The following SPNS3 variants were observed in gnomAD, a reference collection of about 807,000 sequenced individuals.
SPNS3 encodes protein spinster homolog 3.
A neutral mutation model predicts 54.4 loss-of-function variants in SPNS3; 51 were observed. The ratio of observed to expected loss-of-function variants is 0.94; its 90% CI spans 0.75 to 1.18. The LOEUF (loss-of-function observed/expected upper bound fraction) is 1.18. Among genes scored for constraint, SPNS3 ranks in the 50% most tolerant of loss-of-function variants. The pLI, the probability that SPNS3 is intolerant of heterozygous loss-of-function variation, is 0.00. For missense variants in SPNS3, 669 were observed against 677.4 expected, an observed-to-expected ratio of 0.99 and a Z score of 0.14; for synonymous variants, 309 against 294.7, an observed-to-expected ratio of 1.05 and a Z score of -0.50.
chr17:4,448,420 G>C, intron 6 of SPNS3, 117 bp downstream of exon 6: 1 of 1,027,906 alleles, frequency 9.7e-7, no homozygotes. Flanking sequence ...AGTGTTCACA[G>C]CCCTCCTCTT....
Position 4,470,938 on chromosome 17 carries a change from T to G in SPNS3, c.1114-7634T>G, listed in dbSNP as rs1407172501. Among the ~76,000 whole-genome samples, 10 of 152,284 alleles carry G rather than the reference T, an allele frequency of 6.6e-5. No individual in the cohort carries two copies. In the East Asian group the frequency reaches 1.5e-3, roughly 23 times the overall value. On this transcript the variant is annotated intron_variant, in intron 8 of 11. Coordinates refer to ENST00000355530, the MANE Select transcript of SPNS3 (RefSeq NM_182538.5). ...TCACAGTCTGTTCTTTTTCTTTTTT[T>G]TGTGAGACACAGTTTCGCTCTTGTT... is the stretch of plus-strand genomic sequence containing the variant.
At chr17:4,460,840 G>C (rs1009218706) in intron 8 of SPNS3, among the ~76,000 whole-genome samples, 1 of 152,036 alleles carries the variant, frequency 6.6e-6, no homozygotes, top group Admixed American at 6.6e-5. Context: ...GTCTTCATCT[G>C]GTTTTGGTAT....
chr17:4,463,749 A>G (rs1310635961), intron 8 of SPNS3, among the ~76,000 whole-genome samples: 2 of 152,088 alleles, frequency 1.3e-5, no homozygotes, highest in Admixed American at 1.3e-4. Flanking sequence ...AAAAAAAAAA[A>G]AAAAGAATAT....
At chr17:4,487,743 C>CAGGCCT in intron 11 of SPNS3, 63 bp from the exon 12 acceptor site, 2 of 1,496,936 alleles carry the variant, frequency 1.3e-6, no homozygotes, top group Non-Finnish European at 9.3e-7. Flanking sequence ...TGCCCAGGCC[C>CAGGCCT]AGGCCTGGTC....
chr17:4,467,180 G>A (rs913504401), intron 8 of SPNS3, among the ~76,000 whole-genome samples: 2 of 151,958 alleles, frequency 1.3e-5, no homozygotes, highest in Non-Finnish European at 2.9e-5. Context: ...GTGAGGGTGC[G>A]GATTATGGAG....
intron 8 of SPNS3, among the ~76,000 whole-genome samples, chr17:4,458,593 CTTTCTTT>C (rs1567563855): frequency 0.035 from 2,780 of 79,916 alleles, 179 homozygotes; most frequent in African/African-American, 0.049. Flanking sequence ...TCCCTCCTTT[CTTTCTTT>C]CTTTCTTTCT....
In SPNS3 at chr17:4,483,094, T is replaced by TGCCCCCC. The variant is rs1454649976; in HGVS notation, c.1180-3133_1180-3127dup. Among the ~76,000 whole-genome samples the TGCCCCCC allele has an allele frequency of 6.6e-6, 1 of 152,214 alleles. No individual in the cohort carries two copies. The highest frequency in any genetic ancestry group is 6.5e-5 in the Admixed American group (1 of 15,280). On this transcript the variant is annotated intron_variant, in intron 9 of 11. Coordinates refer to ENST00000355530, the MANE Select transcript of SPNS3 (RefSeq NM_182538.5). The surrounding 1 kb of genome is among the most constrained non-coding windows in gnomAD (Gnocchi z 4.2). ...TCTCCATGCTTCCCTGCTCAGCCTC[T>TGCCCCCC]GCCCCCCAGGTAGCTGTCTGCTCAC...
intron 4 of SPNS3, 91 bp from the exon 5 acceptor site, chr17:4,446,805 G>T: frequency 3.2e-6 from 4 of 1,231,396 alleles, no homozygotes; most frequent in Non-Finnish European, 4.8e-6. Flanking sequence ...TCCCTGGGGC[G>T]TGGGGGGGGC....
chr17:4,438,982 G>T (rs1469947004), intron 1 of SPNS3, among the ~76,000 whole-genome samples: 9 of 151,986 alleles, frequency 5.9e-5, no homozygotes, highest in Admixed American at 3.9e-4. Flanking sequence ...GCCTCTGCAG[G>T]TGTGTTTCTC....
intron 4 of SPNS3, among the ~76,000 whole-genome samples, 155 bp downstream of exon 4, chr17:4,446,354 C>T (rs1970987872): frequency 6.6e-6 from 1 of 152,168 alleles, no homozygotes; most frequent in Admixed American, 6.6e-5. Flanking sequence ...TCTACCTCTC[C>T]TAGCCTCAGT....
chr17:4,457,407 ACAAT>A (rs1288736051), intron 8 of SPNS3, among the ~76,000 whole-genome samples: 1 of 152,186 alleles, frequency 6.6e-6, no homozygotes, highest in African/African-American at 2.4e-5. Flanking sequence ...AAACAAACAA[ACAAT>A]CAACCTCCAA....
intron 8 of SPNS3, among the ~76,000 whole-genome samples, chr17:4,474,881 TC>T (rs1971948363): frequency 6.6e-6 from 1 of 152,134 alleles, no homozygotes; most frequent in Non-Finnish European, 1.5e-5. Context: ...TTTGAATGGC[TC>T]CCCGCATATG....
chr17:4,443,903 C>G (rs1597305155), intron 2 of SPNS3, among the ~76,000 whole-genome samples: 1 of 152,198 alleles, frequency 6.6e-6, no homozygotes, highest in African/African-American at 2.4e-5. Flanking sequence ...GAGTTCGAGA[C>G]CAGCCTGCAC....
At position 4,448,050 on chromosome 17, in the gene SPNS3, A is replaced by T. The variant is rs6502785; in HGVS notation, c.622-105A>T. ...ACCCCCACTACCCCCAGGGCTTGGA[A>T]ACCAGAGGTCAGCCACTGGCTGATA... On this transcript the variant is annotated intron_variant, in intron 5 of 11. Coordinates refer to ENST00000355530, the MANE Select transcript of SPNS3 (RefSeq NM_182538.5). 8 of 1,184,116 alleles carry T rather than the reference A, an allele frequency of 6.8e-6. No homozygotes were observed. The Admixed American group carries it at 2.5e-4, about 37-fold the overall frequency. 73.4% of individuals were successfully genotyped at this position (1,184,116 alleles called of 1,614,324 possible).
intron 1 of SPNS3, among the ~76,000 whole-genome samples, chr17:4,436,574 CTGAG>C (rs1970724107): frequency 6.6e-6 from 1 of 151,388 alleles, no homozygotes; most frequent in Non-Finnish European, 1.5e-5. Context: ...GCCCTCTAGC[CTGAG>C]TGACAGAGCA....
chr17:4,453,514 A>C (rs1971225164), intron 8 of SPNS3, among the ~76,000 whole-genome samples: 2 of 152,088 alleles, frequency 1.3e-5, no homozygotes, highest in Admixed American at 1.3e-4. Context: ...GCTGCTTGGG[A>C]GGCTGAGGCA....
chr17:4,467,424 C>T (rs1440126489), intron 8 of SPNS3, among the ~76,000 whole-genome samples: 1 of 152,084 alleles, frequency 6.6e-6, no homozygotes, highest in African/African-American at 2.4e-5. Context: ...CATGTGGCTG[C>T]TTTCATCTGG....
chr17:4,471,212 CTG>C (rs1971845955), intron 8 of SPNS3, among the ~76,000 whole-genome samples: 2 of 152,216 alleles, frequency 1.3e-5, no homozygotes, highest in African/African-American at 4.8e-5. Flanking sequence ...GCGTGAGCCA[CTG>C]TGCCTGGCCA....
chr17:4,440,780 G>A (rs1970829228), intron 2 of SPNS3, among the ~76,000 whole-genome samples: 1 of 152,196 alleles, frequency 6.6e-6, no homozygotes, highest in Non-Finnish European at 1.5e-5. Flanking sequence ...AAAGCAGAGA[G>A]CATCAAGAGA....
Sources: allele counts gnomAD v4.1 joint callset (sites outside exome capture counted in the v4.1 genomes callset), GRCh38; gene constraint gnomAD v4.1.1; non-coding constraint Gnocchi (gnomAD v3.1); transcripts MANE v1.5; gene names NCBI Gene and HGNC (gene_info 2026-07-23, HGNC 2026-07-21).